CLMN: variants seen among roughly 807,000 people sequenced by gnomAD.
The protein encoded by CLMN is calmin, also known as calmin (calponin-like, transmembrane).
In CLMN, 57 loss-of-function variants were observed where a neutral mutation model predicts 92.7. That is an observed-to-expected ratio of 0.61 (90% CI 0.50 to 0.77). CLMN has a LOEUF of 0.77. CLMN is among the 30% of genes least tolerant of loss of function. The pLI is 0.00. For synonymous variants in CLMN, 466 were observed against 470.6 expected, an observed-to-expected ratio of 0.99 and a Z score of 0.13; for missense variants, 1,158 against 1,237.5, an observed-to-expected ratio of 0.94 and a Z score of 0.96.
chr14:95,282,131 G>A (rs1012638385), intron 1 of CLMN, among the ~76,000 whole-genome samples: 1 of 152,218 alleles, frequency 6.6e-6, no homozygotes, highest in Non-Finnish European at 1.5e-5. Context: ...CACAGTTGCT[G>A]GAGAAGAGAA....
intron 1 of CLMN, among the ~76,000 whole-genome samples, chr14:95,292,928 A>C (rs1334798532): frequency 6.6e-6 from 1 of 152,182 alleles, no homozygotes; most frequent in Non-Finnish European, 1.5e-5. Flanking sequence ...ATGATCATCC[A>C]GGGGTAACCA....
At chr14:95,200,363 T>C (rs1462453489) in intron 9 of CLMN, among the ~76,000 whole-genome samples, 2 of 152,086 alleles carry the variant, frequency 1.3e-5, no homozygotes, top group Non-Finnish European at 2.9e-5. Context: ...ATTTTCCTTC[T>C]TTTTTTATCT....
rs547700826 is a variant in CLMN, at chr14:95,235,258, A to G, written c.83-5125T>C. Among the ~76,000 whole-genome samples the G allele has an allele frequency of 2.0e-5, 3 of 152,288 alleles. No homozygotes were observed. The East Asian group carries it at 5.8e-4, about 29-fold the overall frequency. ...ATGAGCCTCTGGGATGACAATTAAG[A>G]TGCCAATTCCTGGACTCCAGACCTA... On this transcript the variant is annotated intron_variant, in intron 1 of 12. Coordinates refer to ENST00000298912, the MANE Select transcript of CLMN (RefSeq NM_024734.4).
chr14:95,319,900 T>C lies in CLMN; in HGVS notation c.-108A>G, dbSNP rs1399876261. On this transcript the variant is annotated 5_prime_UTR_variant, in exon 1 of 13. Transcript: ENST00000298912. ...GCACCCGGCGAGGGCGCCGCGGAGCTGGAGTCGCGGCGGGCGCGGGCGGGG... is the reference window on the plus strand; with the variant it reads ...GCACCCGGCGAGGGCGCCGCGGAGCCGGAGTCGCGGCGGGCGCGGGCGGGG... 6.3e-5 allele frequency: 19 copies of C among 299,770 alleles called. No homozygotes were observed. Among genetic ancestry groups the C allele is most frequent in the African/African-American group, 3.5e-4 (6 of 17,260 alleles). The allele number at this position is 299,770 out of a possible 1,614,324, so 18.6% of individuals were successfully genotyped here.
intron 8 of CLMN, among the ~76,000 whole-genome samples, chr14:95,207,823 C>A (rs141276665): frequency 6.2e-4 from 95 of 152,208 alleles, no homozygotes; most frequent in African/African-American, 2.0e-3. Context: ...ATGAAAGTCA[C>A]GGCATGGAGG....
intron 1 of CLMN, among the ~76,000 whole-genome samples, chr14:95,319,199 G>A (rs1034827394): frequency 3.9e-5 from 6 of 151,962 alleles, no homozygotes; most frequent in African/African-American, 1.5e-4. Flanking sequence ...TGACCCCACC[G>A]ATCCGATCCG....
intron 1 of CLMN, among the ~76,000 whole-genome samples, chr14:95,255,568 C>T (rs1287522693): frequency 1.3e-5 from 2 of 152,158 alleles, no homozygotes; most frequent in Non-Finnish European, 2.9e-5. Flanking sequence ...GCTCTTGGAA[C>T]GCATCCCCTG....
intron 1 of CLMN, among the ~76,000 whole-genome samples, chr14:95,298,930 G>A (rs7144405): frequency 0.28 from 42,963 of 152,026 alleles, 6,928 homozygotes; most frequent in East Asian, 0.6. Flanking sequence ...TTTTACAAGC[G>A]TCTGTGTTAC....
chr14:95,231,573 T>C (rs925236573), intron 1 of CLMN, among the ~76,000 whole-genome samples: 6 of 152,168 alleles, frequency 3.9e-5, no homozygotes, highest in Admixed American at 3.3e-4. Flanking sequence ...TCCACAAAAC[T>C]GGTCCCTGGT....
At chr14:95,289,119 TG>T (rs994672978) in intron 1 of CLMN, among the ~76,000 whole-genome samples, 6 of 152,196 alleles carry the variant, frequency 3.9e-5, no homozygotes, top group Admixed American at 3.3e-4. Flanking sequence ...GGCGGTGCCA[TG>T]GGTGTGTGCA....
intron 1 of CLMN, among the ~76,000 whole-genome samples, chr14:95,267,389 C>T (rs1899513944): frequency 6.6e-6 from 1 of 152,174 alleles, no homozygotes. Context: ...GTAGACATTT[C>T]TTAAGAGAAT....
chr14:95,245,371 C>T (rs185503449), intron 1 of CLMN, among the ~76,000 whole-genome samples: 376 of 143,902 alleles, frequency 2.6e-3, no homozygotes, highest in African/African-American at 9.1e-3. Flanking sequence ...CAAGTGAACA[C>T]ATGAATGAGT....
chr14:95,202,814 TTCCCAAA>T lies in CLMN; in HGVS notation c.2511+17_2511+23del. The T allele has an allele frequency of 6.6e-7, 1 of 1,505,854 alleles. No individual in the cohort carries two copies. Among genetic ancestry groups the T allele is most frequent in the Non-Finnish European group, 8.9e-7 (1 of 1,127,824 alleles). 93.3% of individuals were successfully genotyped at this position (1,505,854 alleles called of 1,614,324 possible). A position where few individuals can be genotyped will look rare whatever the true frequency, so the allele number is the denominator to read the frequency against. Reference sequence around the variant, plus strand: ...CAAGTTTCCCAGGCAGGACCCAGGGTTCCCAAATCCCACGGTTGAGTACCTGATGGCT... The same window carrying T: ...CAAGTTTCCCAGGCAGGACCCAGGGTTCCCACGGTTGAGTACCTGATGGCT... On this transcript the variant is annotated intron_variant, in intron 9 of 12. Transcript: ENST00000298912.
At position 95,294,859 on chromosome 14, in the gene CLMN, C is replaced by A. The variant is rs962414860; in HGVS notation, c.82+24852G>T. Among the ~76,000 whole-genome samples the A allele has an allele frequency of 6.6e-6, 1 of 152,210 alleles. No individual in the cohort carries two copies. Among genetic ancestry groups the A allele is most frequent in the Non-Finnish European group, 1.5e-5 (1 of 68,034 alleles). On this transcript the variant is annotated intron_variant, in intron 1 of 12. Coordinates refer to ENST00000298912, the MANE Select transcript of CLMN (RefSeq NM_024734.4). This position sits in a 1 kb window ranked among gnomAD's most constrained non-coding sequence, Gnocchi z 4.2. ...CTCTGCTGCCTCCTACTCTTGCTCC[C>A]GCTCCTTAGCTGTGGTTTTGGCCAG...
chr14:95,214,989 A>T (rs1224778236), intron 5 of CLMN, among the ~76,000 whole-genome samples: 1 of 152,236 alleles, frequency 6.6e-6, no homozygotes, highest in Non-Finnish European at 1.5e-5. Flanking sequence ...CTTGAGCACA[A>T]TTTAAAATGT....
Position 95,190,319 on chromosome 14 carries a change from C to T in CLMN, c.*1245G>A, listed in dbSNP as rs1440258876. 1 of 152,234 alleles carries T rather than the reference C, an allele frequency of 6.6e-6. No individual in the cohort carries two copies. Among genetic ancestry groups the T allele is most frequent in the Non-Finnish European group, 1.5e-5 (1 of 68,092 alleles). 9.4% of individuals were successfully genotyped at this position (152,234 alleles called of 1,614,324 possible). A position where few individuals can be genotyped will look rare whatever the true frequency, so the allele number is the denominator to read the frequency against. On this transcript the variant is annotated 3_prime_UTR_variant, in exon 13 of 13. Coordinates refer to ENST00000298912, the MANE Select transcript of CLMN (RefSeq NM_024734.4). Reference sequence around the variant, plus strand: ...CCTGTGTGCTCACTGCAAGTCTGCCCCTGGTCGGCTATATGATCTTGGTCA... The same window carrying T: ...CCTGTGTGCTCACTGCAAGTCTGCCTCTGGTCGGCTATATGATCTTGGTCA...
intron 1 of CLMN, among the ~76,000 whole-genome samples, chr14:95,302,215 G>T (rs985238406): frequency 2.6e-5 from 4 of 152,066 alleles, no homozygotes; most frequent in Non-Finnish European, 5.9e-5. Flanking sequence ...CAGGAGAATC[G>T]CTTGAACCCG....
rs1896639904 is a variant in CLMN at position 95,194,294 on chromosome 14, G to A, written c.2769+242C>T. On this transcript the variant is annotated intron_variant, in intron 11 of 12. Transcript: ENST00000298912. This position sits in a 1 kb window ranked among gnomAD's most constrained non-coding sequence, Gnocchi z 4.0. ...GGTCCAGGTGAGGCGTTTTGGGTGC[G>A]TTTTTATAGCAAGGAGGCCTTTGGG... is the stretch of plus-strand genomic sequence containing the variant. 12 of 1,410,802 alleles carry A rather than the reference G, an allele frequency of 8.5e-6. No homozygotes were observed. The highest frequency in any genetic ancestry group is 6.3e-5 in the South Asian group (4 of 63,560). 87.4% of individuals were successfully genotyped at this position (1,410,802 alleles called of 1,614,324 possible).
rs369508138 is a variant in CLMN at position 95,273,878 on chromosome 14, T to C, written c.83-43745A>G. Among the ~76,000 whole-genome samples, 6 of 152,236 alleles carry C rather than the reference T, an allele frequency of 3.9e-5. No individual in the cohort carries two copies. In the East Asian group the frequency reaches 9.6e-4, roughly 24 times the overall value. On this transcript the variant is annotated intron_variant, in intron 1 of 12. Transcript: ENST00000298912. ...ATCCTATAGATAAACCGATCGTACA[T>C]GAACCTCATGAACCTCATTCAGACC...
Sources: gnomAD v4.1 joint callset for allele counts (sites outside exome capture counted in the v4.1 genomes callset) on GRCh38, gnomAD v4.1.1 for gene constraint, Gnocchi (gnomAD v3.1) non-coding constraint, MANE v1.5 for transcripts, NCBI Gene and HGNC (gene_info 2026-07-23, HGNC 2026-07-21) for gene names.